The following UNC80 variants were observed in gnomAD, a reference collection of about 807,000 sequenced individuals.
The protein encoded by UNC80 is protein unc-80 homolog.
UNC80 carries 164 observed loss-of-function variants against 384.6 expected under a neutral mutation model. The ratio of observed to expected loss-of-function variants is 0.43; its 90% CI spans 0.38 to 0.49. The LOEUF is 0.49. Among genes scored for constraint, UNC80 ranks in the 20% least tolerant of loss-of-function variants. The pLI is 0.00. For missense variants in UNC80, 3,330 were observed against 4,143.0 expected (o/e 0.80, Z 5.39); for synonymous variants, 1,486 against 1,527.8 (o/e 0.97, Z 0.64).
intron 7 of UNC80, among the ~76,000 whole-genome samples, chr2:209,809,913 G>A (rs1251287145): frequency 1.3e-5 from 2 of 152,086 alleles, no homozygotes; most frequent in Non-Finnish European, 2.9e-5. Context: ...AGAACTGTTT[G>A]GATACAGCTG....
Position 209,839,437 on chromosome 2 carries a change from G to T in UNC80, c.3250+7G>T, listed in dbSNP as rs1026278966. The T allele has an allele frequency of 6.4e-7, 1 of 1,551,742 alleles. No individual in the cohort carries two copies. Among genetic ancestry groups the T allele is most frequent in the African/African-American group, 1.4e-5 (1 of 73,030 alleles). On this transcript the variant is annotated splice_region_variant and intron_variant, in intron 19 of 64. Coordinates refer to ENST00000673920, the MANE Select transcript of UNC80 (RefSeq NM_001371986.1). The surrounding 1 kb of genome is among the most constrained non-coding windows in gnomAD (Gnocchi z 4.1). ...AAGCTTAAACTCCCCATAGGTAAAAGTATGTCTGTATTTGTTTATGGATTA... is the reference window on the plus strand; with the variant it reads ...AAGCTTAAACTCCCCATAGGTAAAATTATGTCTGTATTTGTTTATGGATTA...
At chr2:209,807,468 C>T (rs957470461) in intron 7 of UNC80, among the ~76,000 whole-genome samples, 1 of 150,758 alleles carries the variant, frequency 6.6e-6, no homozygotes, top group Non-Finnish European at 1.5e-5. Flanking sequence ...GGGTTCACGC[C>T]ATTCTTCTGC....
rs1180335650 is a variant in UNC80 at position 209,820,522 on chromosome 2, C to A, written c.2174C>A (p.Ser725Tyr). ...AFQFKGVSGS[S>Y]TCGFGGPAVS... Reference sequence around the variant, plus strand: ...CAATTCAAAGGAGTATCTGGAAGTTCCACCTGTGGATTCGGAGGCCCTGCT... The same window carrying A: ...CAATTCAAAGGAGTATCTGGAAGTTACACCTGTGGATTCGGAGGCCCTGCT... The change falls in exon 13 of 65, where the codon TCC (serine) becomes TAC (tyrosine). Residue 725 changes from serine (S) to tyrosine (Y), a missense_variant. Physicochemically the swap from Ser to Tyr is moderately radical, Grantham distance 144 (BLOSUM62 -2). This residue lies in a region of UNC80 where 937 missense variants were observed against 1,026.8 expected (regional missense o/e 0.91). Coordinates refer to ENST00000673920, the MANE Select transcript of UNC80 (RefSeq NM_001371986.1). The A allele has an allele frequency of 6.4e-7, 1 of 1,550,998 alleles. No homozygotes were observed. Among genetic ancestry groups the A allele is most frequent in the Admixed American group, 2.0e-5 (1 of 50,876 alleles).
intron 44 of UNC80, among the ~76,000 whole-genome samples, chr2:209,943,037 C>A (rs1438953849): frequency 6.6e-6 from 1 of 152,056 alleles, no homozygotes; most frequent in Non-Finnish European, 1.5e-5. Context: ...TTCACTTAAC[C>A]AAGATATATT....
intron 23 of UNC80, among the ~76,000 whole-genome samples, chr2:209,876,846 T>C (rs1039160922): frequency 1.3e-5 from 2 of 152,164 alleles, no homozygotes; most frequent in Non-Finnish European, 2.9e-5. Context: ...CTCACTTAAT[T>C]CCAGAGTTTA....
chr2:209,845,503 G>T (rs1285947104), intron 21 of UNC80, among the ~76,000 whole-genome samples: 1 of 152,054 alleles, frequency 6.6e-6, no homozygotes, highest in Non-Finnish European at 1.5e-5. Flanking sequence ...ACGGATTTTA[G>T]CCATTGCTTC....
At chr2:209,809,570 G>GCCCTCGCTGACCCTAGAGGCT in intron 7 of UNC80, 1 of 850,604 alleles carries the variant, frequency 1.2e-6, no homozygotes, top group Non-Finnish European at 2.0e-6. Flanking sequence ...TGCTCAGGGG[G>GCCCTCGCTGACCCTAGAGGCT]CCCTCGCTGA....
chr2:209,983,480 G>GA (rs2093208062), intron 60 of UNC80, among the ~76,000 whole-genome samples: 1 of 152,088 alleles, frequency 6.6e-6, no homozygotes. Context: ...CCTTTGAAAA[G>GA]AAAGTCTTAT....
intron 22 of UNC80, among the ~76,000 whole-genome samples, chr2:209,869,924 C>T (rs1216633879): frequency 1.3e-5 from 2 of 152,124 alleles, no homozygotes; most frequent in Non-Finnish European, 2.9e-5. Flanking sequence ...ATGCCTTGGG[C>T]TTCTTAAGCA....
intron 31 of UNC80, among the ~76,000 whole-genome samples, chr2:209,915,814 A>G (rs2089471507): frequency 6.6e-6 from 1 of 152,218 alleles, no homozygotes; most frequent in South Asian, 2.1e-4. Context: ...GTTCAAAAGC[A>G]TAGTAGTGTG....
chr2:209,782,346 G>T (rs1176378511), intron 4 of UNC80, among the ~76,000 whole-genome samples: 1 of 151,950 alleles, frequency 6.6e-6, no homozygotes, highest in Non-Finnish European at 1.5e-5. Flanking sequence ...CTTTTTTTCA[G>T]ATCTTTTCTC....
intron 5 of UNC80, among the ~76,000 whole-genome samples, chr2:209,788,036 G>A (rs1400733152): frequency 1.3e-5 from 2 of 152,136 alleles, no homozygotes; most frequent in East Asian, 3.9e-4. Flanking sequence ...GTAGGCCTAG[G>A]CTAATGTGTG....
At chr2:209,859,325 T>C (rs943610958) in intron 22 of UNC80, among the ~76,000 whole-genome samples, 1 of 152,234 alleles carries the variant, frequency 6.6e-6, no homozygotes, top group African/African-American at 2.4e-5. Context: ...CTGAGGATGA[T>C]GGCTGCCAGC....
At chr2:209,825,707 G>T (rs528872928) in intron 13 of UNC80, among the ~76,000 whole-genome samples, 200 bp from the exon 14 acceptor site, 10 of 152,232 alleles carry the variant, frequency 6.6e-5, no homozygotes, top group African/African-American at 2.4e-4. Flanking sequence ...AAAATACGTA[G>T]ATTTTTTTCT....
At chr2:209,789,858 A>T (rs1434143641) in intron 6 of UNC80, among the ~76,000 whole-genome samples, 1 of 145,110 alleles carries the variant, frequency 6.9e-6, no homozygotes, top group Admixed American at 6.8e-5. Flanking sequence ...GTTAGTGTGT[A>T]ATGAGTTGTG....
At chr2:209,910,569 G>A (rs1004123501) in intron 29 of UNC80, among the ~76,000 whole-genome samples, 3 of 151,538 alleles carry the variant, frequency 2.0e-5, no homozygotes, top group Admixed American at 1.3e-4. Context: ...AACATGGTAG[G>A]ATATTAAATA....
intron 51 of UNC80, among the ~76,000 whole-genome samples, chr2:209,967,119 C>T (rs979197312): frequency 6.6e-5 from 10 of 152,130 alleles, no homozygotes; most frequent in African/African-American, 2.2e-4. Flanking sequence ...TATATATACA[C>T]ATGCACATTC....
rs1298163050 is a variant in UNC80 at position 209,840,603 on chromosome 2, C to A, written c.3312C>A (p.Asp1104Glu). 3 of 1,551,896 alleles carry A rather than the reference C, an allele frequency of 1.9e-6. No individual in the cohort carries two copies. The change falls in exon 20 of 65, where the codon GAC (aspartate) becomes GAA (glutamate). Residue 1104 changes from aspartate (D) to glutamate (E), a missense_variant. Physicochemically the swap from Asp to Glu is conservative, Grantham distance 45. Around this residue, in one of 8 missense-constraint regions of UNC80, gnomAD observed 801 missense variants for 950.8 expected, o/e 0.84. Coordinates refer to ENST00000673920, the MANE Select transcript of UNC80 (RefSeq NM_001371986.1). ...CAGATGGTGTGGAGGACCTCCTGGA[C>A]ATTAGCTCTGTGGACCGACTCTCTT... ...GLADGVEDLL[D>E]ISSVDRLSFI...
At chr2:209,889,133 A>G (rs1408293600) in intron 26 of UNC80, among the ~76,000 whole-genome samples, 1 of 152,206 alleles carries the variant, frequency 6.6e-6, no homozygotes, top group Non-Finnish European at 1.5e-5. Flanking sequence ...ACCAGATATT[A>G]ACCAGATATG....
Sources: gnomAD v4.1 joint callset for allele counts (sites outside exome capture counted in the v4.1 genomes callset) on GRCh38, gnomAD v4.1.1 for gene constraint, gnomAD v4.1.1 regional missense constraint, Gnocchi (gnomAD v3.1) non-coding constraint, MANE v1.5 for transcripts, NCBI Gene and HGNC (gene_info 2026-07-23, HGNC 2026-07-21) for gene names.